NHSL1: variants seen among roughly 807,000 people sequenced by gnomAD.
NHSL1 encodes the protein NHS-like protein 1.
A neutral mutation model predicts 95.0 loss-of-function variants in NHSL1; 48 were observed. The observed-to-expected ratio is 0.51, with a 90% CI of 0.40 to 0.64. The LOEUF is 0.64. Among genes scored for constraint, NHSL1 ranks in the 30% least tolerant of loss-of-function variants. NHSL1 has a pLI of 0.00. For synonymous variants in NHSL1, 783 were observed against 833.9 expected (o/e 0.94, Z 1.05); for missense variants, 1,971 against 2,077.7 (o/e 0.95, Z 1.00).
upstream of NHSL1, among the ~76,000 whole-genome samples, chr6:138,574,833 T>C (rs539780756): frequency 4.6e-5 from 7 of 151,906 alleles, no homozygotes; most frequent in South Asian, 2.1e-4. Context: ...GCCTGGGCAA[T>C]AGAGTGAGAC....
chr6:138,456,782 A>G (rs1235953684), intron 3 of NHSL1, among the ~76,000 whole-genome samples: 3 of 149,914 alleles, frequency 2.0e-5, no homozygotes, highest in Non-Finnish European at 3.0e-5. Context: ...CATATGCTGA[A>G]AACTGAAAAG....
intron 5 of NHSL1, among the ~76,000 whole-genome samples, chr6:138,439,398 T>C (rs1776385512): frequency 6.6e-6 from 1 of 152,240 alleles, no homozygotes; most frequent in Non-Finnish European, 1.5e-5. Context: ...TTGATCATCA[T>C]TACCTAGGTA....
At chr6:138,570,822 A>T (rs1783812307) in intron 1 of NHSL1, among the ~76,000 whole-genome samples, 1 of 152,258 alleles carries the variant, frequency 6.6e-6, no homozygotes, top group South Asian at 2.1e-4. Context: ...CATGGAAAAC[A>T]CAATCACGCG....
chr6:138,448,526 C>T (rs939846806), intron 3 of NHSL1, among the ~76,000 whole-genome samples: 14 of 152,140 alleles, frequency 9.2e-5, no homozygotes, highest in African/African-American at 2.9e-4. Context: ...ACCACATACC[C>T]CCAAACGAGG....
intron 1 of NHSL1, among the ~76,000 whole-genome samples, chr6:138,638,432 T>C (rs192243761): frequency 2.0e-4 from 31 of 152,258 alleles, no homozygotes; most frequent in African/African-American, 7.2e-4. Context: ...CATGCCTGTA[T>C]CAAAACATCT....
intron 1 of NHSL1, among the ~76,000 whole-genome samples, chr6:138,563,583 T>C (rs889406581): frequency 2.0e-5 from 3 of 152,212 alleles, no homozygotes; most frequent in African/African-American, 7.2e-5. Flanking sequence ...AGATCGAATT[T>C]GTAGGCTTAC....
chr6:138,563,503 T>G (rs757235794), intron 1 of NHSL1, among the ~76,000 whole-genome samples: 1 of 152,218 alleles, frequency 6.6e-6, no homozygotes, highest in Non-Finnish European at 1.5e-5. Flanking sequence ...GATAAAGACA[T>G]TTTTTGACTC....
intron 2 of NHSL1, among the ~76,000 whole-genome samples, chr6:138,475,835 C>T (rs1450333617): frequency 1.3e-5 from 2 of 152,004 alleles, no homozygotes; most frequent in East Asian, 1.9e-4. Context: ...TGGTGTCACA[C>T]GCCTGTAATC....
chr6:138,643,902 G>A (rs1784986286), intron 1 of NHSL1, among the ~76,000 whole-genome samples: 2 of 151,962 alleles, frequency 1.3e-5, no homozygotes, highest in South Asian at 4.2e-4. Flanking sequence ...GGAGGCTGAG[G>A]TAGGAGAATT....
chr6:138,461,983 A>T (rs1437571787), intron 3 of NHSL1, among the ~76,000 whole-genome samples: 5 of 152,182 alleles, frequency 3.3e-5, no homozygotes, highest in Admixed American at 3.3e-4. Flanking sequence ...TGAGCTAGCC[A>T]CTTGGGACAC....
intron 1 of NHSL1, among the ~76,000 whole-genome samples, chr6:138,603,478 T>C (rs1349296101): frequency 2.6e-5 from 4 of 152,206 alleles, no homozygotes; most frequent in East Asian, 1.9e-4. Context: ...CTGTAAATAG[T>C]GTTTTGAAGG....
At chr6:138,479,667 T>C (rs538713043) in intron 2 of NHSL1, among the ~76,000 whole-genome samples, 100 of 152,346 alleles carry the variant, frequency 6.6e-4, no homozygotes, top group African/African-American at 2.3e-3. Flanking sequence ...TGCAGGTAGC[T>C]GAAACTATGG....
chr6:138,547,958 G>C (rs1782866655), upstream of NHSL1, among the ~76,000 whole-genome samples: 1 of 152,210 alleles, frequency 6.6e-6, no homozygotes, highest in Admixed American at 6.5e-5. Context: ...TGTACAGAGA[G>C]AGAAAGGAAC....
intron 3 of NHSL1, among the ~76,000 whole-genome samples, chr6:138,471,752 G>A (rs1329922356): frequency 6.6e-6 from 1 of 151,866 alleles, no homozygotes; most frequent in Middle Eastern, 3.2e-3. Flanking sequence ...AATTTCAAAT[G>A]TCTTGCCGTA....
chr6:138,453,970 C>T (rs1165701303), intron 3 of NHSL1, among the ~76,000 whole-genome samples: 1 of 152,156 alleles, frequency 6.6e-6, no homozygotes, highest in Non-Finnish European at 1.5e-5. Flanking sequence ...TATGTTTAAA[C>T]TGATACAGTA....
intron 1 of NHSL1, among the ~76,000 whole-genome samples, chr6:138,515,665 T>C (rs943321994): frequency 3.3e-5 from 5 of 152,220 alleles, no homozygotes; most frequent in African/African-American, 1.2e-4. Context: ...TCAGGCATTC[T>C]ATTGGACGGA....
intron 1 of NHSL1, among the ~76,000 whole-genome samples, chr6:138,675,947 T>TACAAAG (rs1785443466): frequency 2.0e-5 from 3 of 152,314 alleles, no homozygotes; most frequent in Admixed American, 2.0e-4. Flanking sequence ...GAAATATGGT[T>TACAAAG]TTTAGGAAGA....
At chr6:138,472,878 C>T (rs1056619834) in intron 3 of NHSL1, among the ~76,000 whole-genome samples, 2 of 152,116 alleles carry the variant, frequency 1.3e-5, no homozygotes, top group Non-Finnish European at 2.9e-5. Context: ...GTGGGTTCTG[C>T]TATTATGATC....
chr6:138,487,794 C>A (rs1779814901), intron 2 of NHSL1, among the ~76,000 whole-genome samples: 2 of 152,150 alleles, frequency 1.3e-5, no homozygotes, highest in Admixed American at 1.3e-4. Flanking sequence ...CTAATGACAA[C>A]AAAACAAGAT....
Sources: gnomAD v4.1 joint callset for allele counts (sites outside exome capture counted in the v4.1 genomes callset) on GRCh38, gnomAD v4.1.1 for gene constraint, MANE v1.5 for transcripts, NCBI Gene and HGNC (gene_info 2026-07-23, HGNC 2026-07-21) for gene names.